MMP15: variants seen among roughly 807,000 people sequenced by gnomAD.
MMP15 encodes matrix metallopeptidase 15, also known as matrix metalloproteinase-15.
A neutral mutation model predicts 65.0 loss-of-function variants in MMP15; 36 were observed. The ratio of observed to expected loss-of-function variants is 0.55; its 90% CI spans 0.42 to 0.73. The LOEUF (loss-of-function observed/expected upper bound fraction) is 0.73, where lower values mean the gene tolerates loss of function less well. Among genes scored for constraint, MMP15 ranks in the 30% least tolerant of loss-of-function variants. The pLI is 0.00. For missense variants in MMP15, 870 were observed against 987.8 expected, an observed-to-expected ratio of 0.88 and a Z score of 1.60; for synonymous variants, 428 against 410.2, an observed-to-expected ratio of 1.04 and a Z score of -0.52.
At chr16:58,035,809 G>A (rs1264918061) in intron 1 of MMP15, among the ~76,000 whole-genome samples, 2 of 152,168 alleles carry the variant, frequency 1.3e-5, no homozygotes, top group Non-Finnish European at 2.9e-5. Flanking sequence ...TCCAGTCTGC[G>A]ACCCTGGCAG....
chr16:58,027,158 C>G (rs750372527), intron 1 of MMP15, among the ~76,000 whole-genome samples: 76 of 152,336 alleles, frequency 5.0e-4, no homozygotes, highest in Middle Eastern at 3.4e-3. Context: ...TAAGGACGGA[C>G]CCTGCCTCCC....
At chr16:58,031,974 T>A (rs180825606) in intron 1 of MMP15, among the ~76,000 whole-genome samples, 1 of 147,408 alleles carries the variant, frequency 6.8e-6, no homozygotes, top group East Asian at 2.1e-4. Flanking sequence ...TTCAGGCAAT[T>A]CTCCTGCTTC....
chr16:58,039,825 A>G (rs1413942760), intron 3 of MMP15, 50 bp from the exon 4 acceptor site: 1 of 1,540,254 alleles, frequency 6.5e-7, no homozygotes, highest in African/African-American at 1.4e-5. Context: ...AGCAGAGGAT[A>G]GTAGGCCCTT....
intron 5 of MMP15, 149 bp downstream of exon 5, chr16:58,040,847 A>G (rs768603478): frequency 1.1e-5 from 13 of 1,203,040 alleles, no homozygotes; most frequent in Non-Finnish European, 3.6e-6. Flanking sequence ...TGGGGAATAA[A>G]TGGTGGTACT....
chr16:58,038,236 C>T (rs769510283), intron 2 of MMP15, 30 bp from the exon 3 acceptor site: 9 of 1,609,926 alleles, frequency 5.6e-6, no homozygotes, highest in East Asian at 2.2e-5. Flanking sequence ...GGGGAGGCTC[C>T]GTGCTCACCC....
rs927682751 is a variant in MMP15 at position 58,041,622 on chromosome 16, C to T, written c.916C>T (p.Pro306Ser). ...GAACCCCTGCCTCTCTGCAGGTACC[C>T]CAGACGGTCAGCCACAGCCTACCCA... ...LRGIQQLYGT[P>S]DGQPQPTQPL... Residue 306 changes from proline (P) to serine (S), a missense_variant, in exon 6 of 10, where the codon CCA becomes TCA. Transcript: ENST00000219271. 26 of 1,574,440 alleles carry T rather than the reference C, an allele frequency of 1.7e-5. No homozygotes were observed. Among genetic ancestry groups the T allele is most frequent in the Non-Finnish European group, 2.2e-5 (25 of 1,161,246 alleles).
rs1333599741 is a variant in MMP15, at chr16:58,025,826, C to T, written c.-525C>T. On this transcript the variant is annotated 5_prime_UTR_variant, in exon 1 of 10. Transcript: ENST00000219271. ...TCGGGCGCCCGCTCCTTGGCTGGCT[C>T]GCTTGCTCTCTCGCTCGCTCTCTCG... 6.6e-6 allele frequency: 1 copy of T among 151,848 alleles called. No individual in the cohort carries two copies. The highest frequency in any genetic ancestry group is 1.5e-5 in the Non-Finnish European group (1 of 67,924). The allele number at this position is 151,848 out of a possible 1,614,324, so 9.4% of individuals were successfully genotyped here.
At chr16:58,039,688 T>G (rs1241955190) in intron 3 of MMP15, among the ~76,000 whole-genome samples, 187 bp from the exon 4 acceptor site, 1 of 152,270 alleles carries the variant, frequency 6.6e-6, no homozygotes, top group African/African-American at 2.4e-5. Flanking sequence ...AATGCAATCT[T>G]AATTTAATGA....
At chr16:58,031,025 T>C (rs1289265490) in intron 1 of MMP15, among the ~76,000 whole-genome samples, 1 of 152,162 alleles carries the variant, frequency 6.6e-6, no homozygotes, top group African/African-American at 2.4e-5. Context: ...GTGTCTGTTG[T>C]GGACACAGAC....
chr16:58,033,659 T>C (rs1433621956), intron 1 of MMP15, among the ~76,000 whole-genome samples: 1 of 152,168 alleles, frequency 6.6e-6, no homozygotes, highest in Admixed American at 6.5e-5. Flanking sequence ...TCCCAGCAAT[T>C]TGGGAGGCCA....
intron 5 of MMP15, chr16:58,040,930 C>A: frequency 1.6e-6 from 1 of 626,136 alleles, no homozygotes; most frequent in Non-Finnish European, 2.9e-6. Flanking sequence ...GGCTAGAGGC[C>A]TTGAAGGGAC....
At chr16:58,027,603 T>C (rs1161009861) in intron 1 of MMP15, among the ~76,000 whole-genome samples, 2 of 152,092 alleles carry the variant, frequency 1.3e-5, no homozygotes, top group African/African-American at 4.8e-5. Flanking sequence ...TGGTGCTCCC[T>C]CCCTGGCCCA....
In MMP15 at chr16:58,040,777, C is replaced by T. The variant is rs41379146; in HGVS notation, c.910+79C>T. ...ATGAGGAGTAGGCATTGCTGCCATC[C>T]CCATTTTGTAGATGAGGAACCCAAG... is the stretch of plus-strand genomic sequence containing the variant. On this transcript the variant is annotated intron_variant, in intron 5 of 9. Coordinates refer to ENST00000219271, the MANE Select transcript of MMP15 (RefSeq NM_002428.4). 6,708 of 1,593,252 alleles carry T rather than the reference C, an allele frequency of 4.2e-3. 262 individuals carry two copies. In the African/African-American group the frequency reaches 0.078, roughly 18 times the overall value.
At chr16:58,033,385 G>A (rs192739169) in intron 1 of MMP15, among the ~76,000 whole-genome samples, 232 of 152,328 alleles carry the variant, frequency 1.5e-3, no homozygotes, top group African/African-American at 5.1e-3. Flanking sequence ...GAACCTTGCC[G>A]TCTGTATTAT....
intron 9 of MMP15, among the ~76,000 whole-genome samples, chr16:58,044,743 A>T (rs1959520353): frequency 6.6e-6 from 1 of 152,188 alleles, no homozygotes; most frequent in Non-Finnish European, 1.5e-5. Flanking sequence ...CCCCCAACCC[A>T]GCAGGCTATA....
At chr16:58,042,839 G>A (rs1328899610) in intron 7 of MMP15, among the ~76,000 whole-genome samples, 1 of 152,218 alleles carries the variant, frequency 6.6e-6, no homozygotes, top group Non-Finnish European at 1.5e-5. Context: ...ACTAAAAGCA[G>A]GGAGCCCTGG....
intron 1 of MMP15, among the ~76,000 whole-genome samples, chr16:58,034,254 A>G (rs1009825793): frequency 2.0e-5 from 3 of 152,354 alleles, no homozygotes; most frequent in African/African-American, 7.2e-5. Context: ...ATTGCGAGTC[A>G]TGACCTAGGG....
chr16:58,027,679 C>T (rs1282479847), intron 1 of MMP15, among the ~76,000 whole-genome samples: 2 of 152,184 alleles, frequency 1.3e-5, no homozygotes, highest in African/African-American at 4.8e-5. Context: ...CCCTTCCCCG[C>T]CCTACTTTAA....
chr16:58,038,012 C>T (rs1959370797), intron 2 of MMP15, among the ~76,000 whole-genome samples: 1 of 152,216 alleles, frequency 6.6e-6, no homozygotes, highest in South Asian at 2.1e-4. Context: ...GGACAGAAGG[C>T]CTTGAGCGAA....
Sources: allele counts gnomAD v4.1 joint callset (sites outside exome capture counted in the v4.1 genomes callset), GRCh38; gene constraint gnomAD v4.1.1; transcripts MANE v1.5; gene names NCBI Gene and HGNC (gene_info 2026-07-23, HGNC 2026-07-21).